ELAC2: variants seen among roughly 807,000 people sequenced by gnomAD.
ELAC2 encodes zinc phosphodiesterase ELAC protein 2.
In ELAC2, 92 loss-of-function variants were observed where a neutral mutation model predicts 105.2. That is an observed-to-expected ratio of 0.87 (90% CI 0.74 to 1.04). The LOEUF (loss-of-function observed/expected upper bound fraction) is 1.04, where lower values mean the gene tolerates loss of function less well. Among genes scored for constraint, ELAC2 ranks in the 50% least tolerant of loss-of-function variants. The probability of loss-of-function intolerance (pLI) is 0.00; values close to 1 mark genes in which losing one functional copy is unlikely to be tolerated. For synonymous variants in ELAC2, 468 were observed against 409.1 expected, an observed-to-expected ratio of 1.14 and a Z score of -1.74; for missense variants, 1,099 against 1,071.7, an observed-to-expected ratio of 1.03 and a Z score of -0.36.
rs2041762843 is a variant in ELAC2 at position 13,016,912 on chromosome 17, T to C, written c.317A>G (p.Asp106Gly). 6.2e-7 allele frequency: 1 copy of C among 1,614,116 alleles called. No homozygotes were observed. The highest frequency in any genetic ancestry group is 8.5e-7 in the Non-Finnish European group (1 of 1,180,028). Reference sequence around the variant, plus strand: ...GTGCATTCGTGTCAGGAATATGTTGTCCAGGCGAGCAACCTTTAACCTAAG... The same window carrying C: ...GTGCATTCGTGTCAGGAATATGTTGCCCAGGCGAGCAACCTTTAACCTAAG... ...QEHKLKVARL[D>G]NIFLTRMHWS... The change falls in exon 3 of 24, where the codon GAC becomes GGC. Residue 106 changes from aspartate (D) to glycine (G), a missense_variant. By Grantham distance (94) the Asp-to-Gly change is moderately conservative. Coordinates refer to ENST00000338034, the MANE Select transcript of ELAC2 (RefSeq NM_018127.7).
At chr17:12,995,874 C>A in intron 18 of ELAC2, 62 bp from the exon 19 acceptor site, 2 of 1,584,974 alleles carry the variant, frequency 1.3e-6, no homozygotes, top group South Asian at 2.3e-5. Context: ...ACTGGAGTGC[C>A]AAGAGGCATG....
At chr17:12,996,931 A>G (rs2040506564) in intron 16 of ELAC2, among the ~76,000 whole-genome samples, 4 of 149,214 alleles carry the variant, frequency 2.7e-5, no homozygotes, top group African/African-American at 9.9e-5. Context: ...ACTTACACAA[A>G]GGCTGGGCAT....
intron 12 of ELAC2, among the ~76,000 whole-genome samples, chr17:13,003,267 C>T (rs780031952): frequency 6.6e-6 from 1 of 152,172 alleles, no homozygotes; most frequent in Non-Finnish European, 1.5e-5. Flanking sequence ...TAAATGGAAT[C>T]GTGTGGACAC....
intron 15 of ELAC2, among the ~76,000 whole-genome samples, chr17:12,999,665 A>ATG (rs71369360): frequency 6.6e-6 from 1 of 150,390 alleles, no homozygotes; most frequent in Non-Finnish European, 1.5e-5. Flanking sequence ...AGGAATTGGG[A>ATG]TTTTTTTTTT....
chr17:13,007,990 C>T (rs778237160), intron 8 of ELAC2, among the ~76,000 whole-genome samples: 1 of 151,932 alleles, frequency 6.6e-6, no homozygotes, highest in Non-Finnish European at 1.5e-5. Context: ...CACTTGAGGT[C>T]AGGAGTTCGA....
chr17:13,002,232 A>G, intron 14 of ELAC2, 42 bp downstream of exon 14: 1 of 1,607,784 alleles, frequency 6.2e-7, no homozygotes, highest in Non-Finnish European at 8.5e-7. Context: ...AATGTTTCCC[A>G]ACTCGACTGA....
rs927822675 is a variant in ELAC2 at position 12,992,075 on chromosome 17, C to CTT, written c.*741_*742dup. ...ACTTTTACCCAGAACCACCAGAAGA[C>CTT]TTGCATTTCCCTGACCAATGACACC... On this transcript the variant is annotated 3_prime_UTR_variant, in exon 24 of 24. Coordinates refer to ENST00000338034, the MANE Select transcript of ELAC2 (RefSeq NM_018127.7). 2.0e-5 allele frequency among the ~76,000 whole-genome samples: 3 copies of CTT among 152,182 alleles called. No individual in the cohort carries two copies. Among genetic ancestry groups the CTT allele is most frequent in the African/African-American group, 7.2e-5 (3 of 41,422 alleles).
In ELAC2 at chr17:12,992,196, C is replaced by CAAA. The variant is rs1471179872; in HGVS notation, c.*619_*621dup. 6.6e-6 allele frequency among the ~76,000 whole-genome samples: 1 copy of CAAA among 152,022 alleles called. No individual in the cohort carries two copies. ...TGTGAGCTGGCACAGCTCGAGTTGT[C>CAAA]AAAAAGACTTGGCGAATAAGGGTGG... On this transcript the variant is annotated 3_prime_UTR_variant, in exon 24 of 24. Coordinates refer to ENST00000338034, the MANE Select transcript of ELAC2 (RefSeq NM_018127.7).
At chr17:13,014,033 C>T (rs892434607) in intron 5 of ELAC2, among the ~76,000 whole-genome samples, 2 of 152,136 alleles carry the variant, frequency 1.3e-5, no homozygotes, top group African/African-American at 4.8e-5. Context: ...CCATCTCCAG[C>T]CACATGGTAG....
In ELAC2 at chr17:13,010,630, C is replaced by G. The variant is rs766704172; in HGVS notation, c.721G>C (p.Val241Leu). Residue 241 changes from valine to leucine, a missense_variant, in exon 8 of 24, where the codon GTA (valine) becomes CTA (leucine). Physicochemically the swap from Val to Leu is conservative, Grantham distance 32. Transcript: ENST00000338034. ...RRGVRDSSLVVAFICKLHLKR... is the reference protein window; with the variant it reads ...RRGVRDSSLVLAFICKLHLKR... ...TTCCTTACCTTACAGATGAAAGCTA[C>G]GACCAGGGAAGAGTCCCTGACCCCT... 1 of 1,614,102 alleles carries G rather than the reference C, an allele frequency of 6.2e-7. No individual in the cohort carries two copies. The highest frequency in any genetic ancestry group is 1.7e-5 in the Admixed American group (1 of 60,032).
intron 10 of ELAC2, 93 bp downstream of exon 10, chr17:13,005,660 A>G: frequency 7.7e-7 from 1 of 1,295,534 alleles, no homozygotes; most frequent in Non-Finnish European, 1.1e-6. Context: ...CGTCCTTCAA[A>G]AGTGGTGTCT....
chr17:13,000,228 G>T lies in ELAC2; in HGVS notation c.1351C>A (p.Leu451Met), dbSNP rs761514025. 2.0e-5 allele frequency: 32 copies of T among 1,614,026 alleles called. No homozygotes were observed. The highest frequency in any genetic ancestry group is 2.5e-5 in the Non-Finnish European group (30 of 1,180,048). Residue 451 changes from leucine (L) to methionine (M), a missense_variant, in exon 15 of 24, where the codon CTG becomes ATG. Coordinates refer to ENST00000338034, the MANE Select transcript of ELAC2 (RefSeq NM_018127.7). ...CNPEEFIVEA[L>M]QLPNFQQSVQ... ...CTCTGCTGGAAGTTGGGAAGCTGCA[G>T]CGCCTCAACTATGAATTCCTCAGGA...
rs766520614 is a variant in ELAC2, at chr17:13,013,209, T to C, written c.557A>G (p.His186Arg). 10 of 1,614,042 alleles carry C rather than the reference T, an allele frequency of 6.2e-6. No homozygotes were observed. Among genetic ancestry groups the C allele is most frequent in the Admixed American group, 1.7e-5 (1 of 59,998 alleles). Residue 186 changes from histidine to arginine, a missense_variant and splice_region_variant, in exon 6 of 24, where the codon CAC (histidine) becomes CGC (arginine). Transcript: ENST00000338034. Reference protein sequence around the residue: ...ETMTVYQIPIHSEQRRGKHQP... With the variant: ...ETMTVYQIPIRSEQRRGKHQP... ...GGAAACCTGGCTTTCATACTCACTG[T>C]GTATGGGGATCTGGTAAACTGTCAT...
chr17:12,995,472 CA>C (rs1168788373), intron 19 of ELAC2, among the ~76,000 whole-genome samples: 1 of 152,262 alleles, frequency 6.6e-6, no homozygotes, highest in African/African-American at 2.4e-5. Context: ...GCTCAGAACT[CA>C]AATGAGGACT....
At position 13,000,268 on chromosome 17, in the gene ELAC2, G is replaced by A; in HGVS notation, c.1311C>T (p.Ala437=). 3.7e-6 allele frequency: 6 copies of A among 1,613,920 alleles called. No individual in the cohort carries two copies. Among genetic ancestry groups the A allele is most frequent in the Non-Finnish European group, 5.1e-6 (6 of 1,179,966 alleles). Residue 437 remains alanine (A), a synonymous_variant, in exon 15 of 24, where the codon GCC becomes GCT. Transcript: ENST00000338034. ...LRPRREWQRD[A]IITCNPEEFI... is the part of the protein sequence containing the mutation. ...ATTCCTCAGGATTGCAAGTAATAAT[G>A]GCATCCCTGCAGGAAGAGAGAGAAG... is the stretch of plus-strand genomic sequence containing the variant.
chr17:12,993,613 C>T lies in ELAC2; in HGVS notation c.2253+74G>A, dbSNP rs962590552. The T allele has an allele frequency of 1.3e-5, 21 of 1,603,764 alleles. No homozygotes were observed. The African/African-American group carries it at 1.9e-4, about 14-fold the overall frequency. On this transcript the variant is annotated intron_variant, in intron 23 of 23. Coordinates refer to ENST00000338034, the MANE Select transcript of ELAC2 (RefSeq NM_018127.7). ...AAATAAGAAAGCAAACTCCAGCTGA[C>T]CGTCCTACTCAGTGTGTAGAGTCCT...
chr17:13,013,023 C>A (rs1021808924), intron 6 of ELAC2, among the ~76,000 whole-genome samples, 184 bp downstream of exon 6: 1 of 152,206 alleles, frequency 6.6e-6, no homozygotes, highest in Admixed American at 6.5e-5. Flanking sequence ...AGGCATAAGT[C>A]AGACATCCGT....
At chr17:13,005,638 C>T (rs2041058123) in intron 10 of ELAC2, 115 bp downstream of exon 10, 1 of 1,066,306 alleles carries the variant, frequency 9.4e-7, no homozygotes, top group Admixed American at 1.7e-5. Flanking sequence ...GAGTGATGTC[C>T]AAACTGTTCC....
intron 6 of ELAC2, among the ~76,000 whole-genome samples, chr17:13,012,071 C>T (rs1460373704): frequency 1.3e-5 from 2 of 152,164 alleles, no homozygotes; most frequent in Admixed American, 6.5e-5. Context: ...ATTATCATCA[C>T]TCCCGCTAAA....
Sources: allele counts gnomAD v4.1 joint callset (sites outside exome capture counted in the v4.1 genomes callset), GRCh38; gene constraint gnomAD v4.1.1; transcripts MANE v1.5; gene names NCBI Gene and HGNC (gene_info 2026-07-23, HGNC 2026-07-21).